The following CYP2C19 variants were observed in gnomAD, a reference collection of about 807,000 sequenced individuals.
The protein encoded by CYP2C19 is cytochrome P450 family 2 subfamily C member 19.
In CYP2C19, 59 loss-of-function variants were observed where a neutral mutation model predicts 40.9. The observed-to-expected ratio is 1.44, with a 90% CI of 1.17 to 1.79. The LOEUF is 1.79. Ranked by LOEUF, CYP2C19 falls within the 40% of genes most tolerant of loss-of-function variation. The pLI, the probability that CYP2C19 is intolerant of heterozygous loss-of-function variation, is 0.00. For synonymous variants in CYP2C19, 253 were observed against 208.7 expected (o/e 1.21, Z -1.83); for missense variants, 754 against 596.9 (o/e 1.26, Z -2.74).
chr10:94,818,331 C>G (rs1849045908), intron 5 of CYP2C19, among the ~76,000 whole-genome samples: 1 of 151,028 alleles, frequency 6.6e-6, no homozygotes, highest in Non-Finnish European at 1.5e-5. Flanking sequence ...TGTGATGCCT[C>G]CAGCTTTGTT....
At chr10:94,811,048 C>A (rs1401079836) in intron 5 of CYP2C19, among the ~76,000 whole-genome samples, 1 of 152,188 alleles carries the variant, frequency 6.6e-6, no homozygotes, top group Non-Finnish European at 1.5e-5. Flanking sequence ...CTAAACACTG[C>A]TTTAGCTGTG....
At chr10:94,811,228 G>A (rs573539478) in intron 5 of CYP2C19, among the ~76,000 whole-genome samples, 10 of 152,276 alleles carry the variant, frequency 6.6e-5, no homozygotes, top group African/African-American at 1.7e-4. Flanking sequence ...TAATTTGATG[G>A]CACTGTGGTC....
intron 5 of CYP2C19, among the ~76,000 whole-genome samples, chr10:94,792,396 A>T (rs1208120510): frequency 1.3e-5 from 2 of 152,074 alleles, no homozygotes; most frequent in African/African-American, 4.8e-5. Context: ...TCCTGTCATT[A>T]TGATGTTAGC....
At chr10:94,797,972 T>G (rs1260061402) in intron 5 of CYP2C19, among the ~76,000 whole-genome samples, 1 of 152,128 alleles carries the variant, frequency 6.6e-6, no homozygotes, top group Non-Finnish European at 1.5e-5. Context: ...TTTAAAGGGT[T>G]TTTTGTGTCT....
intron 5 of CYP2C19, among the ~76,000 whole-genome samples, chr10:94,802,691 C>A (rs1023099029): frequency 1.3e-5 from 2 of 152,078 alleles, no homozygotes; most frequent in African/African-American, 4.8e-5. Context: ...ATGATCTTTA[C>A]AATTTGGTGT....
chr10:94,774,757 G>T (rs1000377811), intron 1 of CYP2C19: 3 of 326,516 alleles, frequency 9.2e-6, no homozygotes, highest in East Asian at 6.4e-5. Context: ...AAATGAATTT[G>T]TCATTCTCTT....
chr10:94,765,550 C>A (rs905800036), intron 1 of CYP2C19, among the ~76,000 whole-genome samples: 4 of 151,966 alleles, frequency 2.6e-5, no homozygotes, highest in Middle Eastern at 3.2e-3. Context: ...TCCGTGTGTT[C>A]TATTTTCCCA....
At chr10:94,814,424 C>T (rs1182940376) in intron 5 of CYP2C19, among the ~76,000 whole-genome samples, 1 of 151,828 alleles carries the variant, frequency 6.6e-6, no homozygotes, top group African/African-American at 2.4e-5. Flanking sequence ...GGAACAATTG[C>T]TATTCCAAAA....
intron 5 of CYP2C19, among the ~76,000 whole-genome samples, chr10:94,817,854 A>G (rs1476533411): frequency 1.3e-5 from 2 of 151,776 alleles, no homozygotes; most frequent in African/African-American, 4.8e-5. Context: ...TCTACTAAAA[A>G]TACAAAAAAT....
chr10:94,836,773 G>A (rs1288474792), intron 6 of CYP2C19, among the ~76,000 whole-genome samples: 1 of 152,202 alleles, frequency 6.6e-6, no homozygotes, highest in Non-Finnish European at 1.5e-5. Context: ...TGGAAATCTT[G>A]TAGCCACAGG....
At chr10:94,788,508 C>G (rs1049337761) in intron 5 of CYP2C19, among the ~76,000 whole-genome samples, 1 of 152,074 alleles carries the variant, frequency 6.6e-6, no homozygotes. Context: ...CATCCTGTCA[C>G]CTACATGAGG....
At position 94,775,215 on chromosome 10, in the gene CYP2C19, G is replaced by C. The variant is rs200347843; in HGVS notation, c.326G>C (p.Gly109Ala). 20 of 1,614,076 alleles carry C rather than the reference G, an allele frequency of 1.2e-5. No individual in the cohort carries two copies. The Admixed American group carries it at 2.3e-4, about 19-fold the overall frequency. ...HFPLAERANR[G>A]FGIVFSNGKR... ...CCACTGGCTGAAAGAGCTAACAGAG[G>C]ATTTGGTAGGTGTGCAAGTGCCTGT... The change falls in exon 2 of 9, where the codon GGA becomes GCA. Residue 109 changes from glycine (G) to alanine (A), a missense_variant. Physicochemically the swap from Gly to Ala is moderately conservative, Grantham distance 60 (BLOSUM62 0). Transcript: ENST00000371321.
intron 6 of CYP2C19, among the ~76,000 whole-genome samples, chr10:94,829,895 T>G (rs893045406): frequency 2.0e-5 from 3 of 152,076 alleles, no homozygotes; most frequent in African/African-American, 7.3e-5. Context: ...CAGCTGCAGG[T>G]CTGTTGGAAT....
intron 8 of CYP2C19, among the ~76,000 whole-genome samples, chr10:94,850,692 G>A (rs755432811): frequency 4.6e-5 from 7 of 152,174 alleles, no homozygotes; most frequent in Non-Finnish European, 7.4e-5. Context: ...TACATCAAAG[G>A]AGTCAGAGAG....
At chr10:94,796,943 A>G (rs1848697505) in intron 5 of CYP2C19, among the ~76,000 whole-genome samples, 2 of 152,074 alleles carry the variant, frequency 1.3e-5, no homozygotes, top group Non-Finnish European at 2.9e-5. Flanking sequence ...GCAAACAGGG[A>G]CAATTTGACT....
chr10:94,798,537 G>A (rs900526212), intron 5 of CYP2C19, among the ~76,000 whole-genome samples: 3 of 152,054 alleles, frequency 2.0e-5, no homozygotes, highest in Non-Finnish European at 4.4e-5. Context: ...TTCAAGATCT[G>A]GATATCTTTG....
At chr10:94,850,981 C>T (rs1193711895) in intron 8 of CYP2C19, among the ~76,000 whole-genome samples, 1 of 152,114 alleles carries the variant, frequency 6.6e-6, no homozygotes, top group Non-Finnish European at 1.5e-5. Flanking sequence ...CCTTTGATGT[C>T]TGCTTTATAT....
In CYP2C19 at chr10:94,852,790, C is replaced by T. The variant is rs141690375; in HGVS notation, c.1349C>T (p.Thr450Ile). 2 of 1,614,032 alleles carry T rather than the reference C, an allele frequency of 1.2e-6. No individual in the cohort carries two copies. Among genetic ancestry groups the T allele is most frequent in the South Asian group, 2.2e-5 (2 of 91,078 alleles). ...LARMELFLFL[T>I]FILQNFNLKS... The stretch of plus-strand genomic sequence containing the variant: ...CGCATGGAGCTGTTTTTATTCCTGA[C>T]CTTCATTTTACAGAACTTTAACCTG... Residue 450 changes from threonine to isoleucine, a missense_variant, in exon 9 of 9, where the codon ACC becomes ATC. Coordinates refer to ENST00000371321, the MANE Select transcript of CYP2C19 (RefSeq NM_000769.4).
intron 6 of CYP2C19, 47 bp downstream of exon 6, chr10:94,820,684 G>A (rs765348232): frequency 6.2e-7 from 1 of 1,610,790 alleles, no homozygotes; most frequent in East Asian, 2.2e-5. Flanking sequence ...AAAGATGTTG[G>A]GAAGGTGCTG....
Sources: gnomAD v4.1 joint callset for allele counts (sites outside exome capture counted in the v4.1 genomes callset) on GRCh38, gnomAD v4.1.1 for gene constraint, MANE v1.5 for transcripts, NCBI Gene and HGNC (gene_info 2026-07-23, HGNC 2026-07-21) for gene names.